Variants in GATAD2A observed in about 807,000 individuals in gnomAD.
GATAD2A encodes GATA zinc finger domain containing 2A.
GATAD2A carries 12 observed loss-of-function variants against 68.5 expected under a neutral mutation model. That is an observed-to-expected ratio of 0.18 (90% CI 0.11 to 0.28). The LOEUF (loss-of-function observed/expected upper bound fraction) is 0.28, where lower values mean the gene tolerates loss of function less well. GATAD2A is among the 10% of genes least tolerant of loss of function. The probability of loss-of-function intolerance (pLI) is 1.00; values close to 1 mark genes in which losing one functional copy is unlikely to be tolerated. For synonymous variants in GATAD2A, 410 were observed against 375.3 expected (o/e 1.09, Z -1.07); for missense variants, 755 against 868.5 (o/e 0.87, Z 1.64).
intron 1 of GATAD2A, among the ~76,000 whole-genome samples, chr19:19,392,334 T>C (rs143592991): frequency 0.013 from 1,955 of 151,712 alleles, 51 homozygotes; most frequent in African/African-American, 0.045. Context: ...TTCTCTCACT[T>C]TGGCCTCCCA....
At chr19:19,420,187 T>G (rs1024699757) in intron 1 of GATAD2A, among the ~76,000 whole-genome samples, 13 of 144,900 alleles carry the variant, frequency 9.0e-5, no homozygotes, top group East Asian at 8.1e-4. Context: ...GTTTTTTTTT[T>G]TTTTTTTTTT....
At chr19:19,441,749 A>G in intron 1 of GATAD2A, 1 of 167,244 alleles carries the variant, frequency 6.0e-6, no homozygotes, top group South Asian at 9.8e-5. Context: ...TATTTTTAGT[A>G]GAGACGGGGT....
At chr19:19,416,718 C>T (rs1244745415) in intron 1 of GATAD2A, among the ~76,000 whole-genome samples, 1 of 151,450 alleles carries the variant, frequency 6.6e-6, no homozygotes, top group Non-Finnish European at 1.5e-5. Context: ...GCTGTTTAGC[C>T]AGTCTTCTGA....
At chr19:19,430,991 G>GTA (rs1340944503) in intron 1 of GATAD2A, among the ~76,000 whole-genome samples, 12 of 148,962 alleles carry the variant, frequency 8.1e-5, no homozygotes, top group African/African-American at 2.7e-4. Flanking sequence ...GTGTGTGTGT[G>GTA]TGTGTGTGTG....
chr19:19,464,882 T>G (rs1164184409), intron 1 of GATAD2A: 1 of 229,510 alleles, frequency 4.4e-6, no homozygotes, highest in Non-Finnish European at 8.7e-6. Flanking sequence ...ATAGGGCTAG[T>G]CCCAGGCCCC....
upstream of GATAD2A, among the ~76,000 whole-genome samples, chr19:19,400,772 A>C (rs1441799703): frequency 6.6e-6 from 1 of 152,184 alleles, no homozygotes; most frequent in African/African-American, 2.4e-5. Flanking sequence ...CTTTAAAATG[A>C]TCCTCCCTTA....
At chr19:19,414,780 C>A (rs2051385449) in intron 1 of GATAD2A, among the ~76,000 whole-genome samples, 1 of 150,538 alleles carries the variant, frequency 6.6e-6, no homozygotes, top group South Asian at 2.1e-4. Flanking sequence ...AGTGATTTGC[C>A]CACCTTGGCC....
intron 1 of GATAD2A, among the ~76,000 whole-genome samples, chr19:19,387,109 C>G (rs936019308): frequency 6.6e-6 from 1 of 152,096 alleles, no homozygotes; most frequent in Non-Finnish European, 1.5e-5. Flanking sequence ...ACCCTATCCT[C>G]ACTCCTCTAA....
intron 2 of GATAD2A, among the ~76,000 whole-genome samples, chr19:19,482,170 G>A (rs187340767): frequency 1.3e-5 from 2 of 152,258 alleles, no homozygotes; most frequent in East Asian, 3.9e-4. Context: ...TTGGGAGGCC[G>A]AGGTGGGCAG....
rs905538202 is a variant in GATAD2A at position 19,508,419 on chromosome 19, C to T, written c.*2945C>T. 2.0e-5 allele frequency: 3 copies of T among 152,258 alleles called. No individual in the cohort carries two copies. Among genetic ancestry groups the T allele is most frequent in the Admixed American group, 6.5e-5 (1 of 15,280 alleles). The allele number at this position is 152,258 out of a possible 1,614,324, so 9.4% of individuals were successfully genotyped here. Reference sequence around the variant, plus strand: ...CAGTGCTAGTTGTGCCTGGTCTTACCTGTACTCCACGGACCTCGGTGAAGC... The same window carrying T: ...CAGTGCTAGTTGTGCCTGGTCTTACTTGTACTCCACGGACCTCGGTGAAGC... On this transcript the variant is annotated 3_prime_UTR_variant, in exon 12 of 12. Transcript: ENST00000683918.
rs144680510 is a variant in GATAD2A, at chr19:19,452,585, G to C, written c.-6-12755G>C. ...CAGGACATAGATTGCCCCCAGGCCT[G>C]GGGGGGTGAAGTGACGTGCAGAATT... On this transcript the variant is annotated intron_variant, in intron 1 of 11. Coordinates refer to ENST00000683918, the MANE Select transcript of GATAD2A (RefSeq NM_001384528.1). 4.0e-3 allele frequency among the ~76,000 whole-genome samples: 602 copies of C among 151,894 alleles called. 7 individuals carry two copies. The highest frequency in any genetic ancestry group is 0.013 in the African/African-American group (536 of 41,412).
At chr19:19,387,095 T>G (rs868136874) in intron 1 of GATAD2A, among the ~76,000 whole-genome samples, 11 of 152,198 alleles carry the variant, frequency 7.2e-5, no homozygotes, top group Admixed American at 2.6e-4. Context: ...CTGGCCTCTC[T>G]AAGACCCTAT....
intron 1 of GATAD2A, among the ~76,000 whole-genome samples, chr19:19,416,739 T>G (rs2147197624): frequency 6.6e-6 from 1 of 152,296 alleles, no homozygotes; most frequent in East Asian, 1.9e-4. Flanking sequence ...GTTTGTAAAC[T>G]ACTCTTGGTT....
chr19:19,487,827 G>A (rs893873150), intron 2 of GATAD2A, among the ~76,000 whole-genome samples: 1 of 152,200 alleles, frequency 6.6e-6, no homozygotes, highest in African/African-American at 2.4e-5. Flanking sequence ...AGGGACAAGT[G>A]AGCTGGCAGG....
intron 1 of GATAD2A, among the ~76,000 whole-genome samples, chr19:19,388,486 A>G (rs2048616331): frequency 6.6e-6 from 1 of 152,038 alleles, no homozygotes; most frequent in South Asian, 2.1e-4. Flanking sequence ...TTCGGTTTCC[A>G]GGAGCCTGGA....
chr19:19,474,462 G>T (rs552995061), intron 2 of GATAD2A, among the ~76,000 whole-genome samples: 1 of 152,160 alleles, frequency 6.6e-6, no homozygotes, highest in African/African-American at 2.4e-5. Flanking sequence ...CTCTTTTCCG[G>T]TTTTCCAGGG....
At chr19:19,480,703 T>A (rs1278466344) in intron 2 of GATAD2A, among the ~76,000 whole-genome samples, 1 of 152,188 alleles carries the variant, frequency 6.6e-6, no homozygotes, top group Non-Finnish European at 1.5e-5. Flanking sequence ...GTTTGGTGAA[T>A]GGGCCAGTCG....
At chr19:19,497,576 GGGGACAACAAACCAGCA>G (rs1367399467) in intron 7 of GATAD2A, among the ~76,000 whole-genome samples, 2 of 152,162 alleles carry the variant, frequency 1.3e-5, no homozygotes, top group Non-Finnish European at 2.9e-5. Context: ...TGGTTGCTGA[GGGGACAACAAACCAGCA>G]GGCCGGTCTC....
intron 10 of GATAD2A, 25 bp from the exon 11 acceptor site, chr19:19,502,306 C>T (rs1295759386): frequency 7.7e-6 from 12 of 1,560,336 alleles, no homozygotes; most frequent in Middle Eastern, 1.7e-4. Flanking sequence ...CTGCATGAGC[C>T]GTCACCCCCC....
Sources: gnomAD v4.1 joint callset for allele counts (sites outside exome capture counted in the v4.1 genomes callset) on GRCh38, gnomAD v4.1.1 for gene constraint, MANE v1.5 for transcripts, NCBI Gene and HGNC (gene_info 2026-07-23, HGNC 2026-07-21) for gene names.